Variants in ZCCHC17 observed in about 807,000 individuals in gnomAD.
The protein encoded by ZCCHC17 is zinc finger CCHC domain-containing protein 17.
In ZCCHC17, 18 loss-of-function variants were observed where a neutral mutation model predicts 30.6. The ratio of observed to expected loss-of-function variants is 0.59; its 90% CI spans 0.41 to 0.87. The LOEUF (loss-of-function observed/expected upper bound fraction) is 0.87. Among genes scored for constraint, ZCCHC17 ranks in the 40% least tolerant of loss-of-function variants. ZCCHC17 has a pLI of 0.00. For synonymous variants in ZCCHC17, 88 were observed against 92.4 expected (o/e 0.95, Z 0.27); for missense variants, 263 against 284.2 (o/e 0.93, Z 0.54).
At chr1:31,317,844 A>G (rs1052691331) in intron 2 of ZCCHC17, among the ~76,000 whole-genome samples, 1 of 152,188 alleles carries the variant, frequency 6.6e-6, no homozygotes, top group Non-Finnish European at 1.5e-5. Flanking sequence ...CTAGGAATAG[A>G]TAGGATATCA....
chr1:31,361,778 A>AG (rs892617024), intron 7 of ZCCHC17, among the ~76,000 whole-genome samples: 3 of 149,834 alleles, frequency 2.0e-5, no homozygotes, highest in Non-Finnish European at 4.4e-5. Context: ...TTTTGGGGAG[A>AG]GGGGGAGATT....
At chr1:31,324,855 G>T (rs1327488268) in intron 3 of ZCCHC17, among the ~76,000 whole-genome samples, 1 of 152,150 alleles carries the variant, frequency 6.6e-6, no homozygotes, top group East Asian at 1.9e-4. Flanking sequence ...GGGTGGAAAG[G>T]GGCAGGTCTC....
At chr1:31,320,723 T>C (rs2148429544) in intron 3 of ZCCHC17, among the ~76,000 whole-genome samples, 1 of 152,384 alleles carries the variant, frequency 6.6e-6, no homozygotes, top group Non-Finnish European at 1.5e-5. Flanking sequence ...ACTTCTTTAG[T>C]ATTATGAATA....
At chr1:31,323,364 C>G (rs944570342) in intron 3 of ZCCHC17, among the ~76,000 whole-genome samples, 1 of 151,928 alleles carries the variant, frequency 6.6e-6, no homozygotes. Flanking sequence ...CTCTGTTGCC[C>G]AGGCTGGAGT....
chr1:31,360,966 C>T (rs1639865699), intron 7 of ZCCHC17, among the ~76,000 whole-genome samples: 1 of 152,146 alleles, frequency 6.6e-6, no homozygotes, highest in Non-Finnish European at 1.5e-5. Context: ...CTTCTTTATC[C>T]AGGCTGGACC....
intron 3 of ZCCHC17, among the ~76,000 whole-genome samples, chr1:31,324,215 G>A (rs1165048001): frequency 6.6e-6 from 1 of 152,232 alleles, no homozygotes; most frequent in African/African-American, 2.4e-5. Flanking sequence ...GCATGCACCT[G>A]TAATTCCAGC....
At chr1:31,354,158 G>A (rs1036866775) in intron 7 of ZCCHC17, among the ~76,000 whole-genome samples, 9 of 151,880 alleles carry the variant, frequency 5.9e-5, no homozygotes, top group Non-Finnish European at 1.0e-4. Flanking sequence ...TCATCTCCTT[G>A]GTTAAGTTTC....
chr1:31,347,808 C>G (rs556397169), intron 6 of ZCCHC17, among the ~76,000 whole-genome samples: 1 of 152,094 alleles, frequency 6.6e-6, no homozygotes, highest in African/African-American at 2.4e-5. Context: ...GACGGGGTTT[C>G]CCTGTGTTGC....
chr1:31,301,345 C>T (rs1030414722), intron 1 of ZCCHC17, among the ~76,000 whole-genome samples: 6 of 152,134 alleles, frequency 3.9e-5, no homozygotes, highest in African/African-American at 1.4e-4. Flanking sequence ...GATTTGAATC[C>T]CATCCCCATC....
intron 2 of ZCCHC17, among the ~76,000 whole-genome samples, chr1:31,316,433 A>G (rs886435107): frequency 1.3e-5 from 2 of 152,156 alleles, no homozygotes; most frequent in African/African-American, 4.8e-5. Flanking sequence ...TTGGATGATT[A>G]TGTTCTTTAA....
chr1:31,332,620 C>A (rs1316881002), intron 3 of ZCCHC17, among the ~76,000 whole-genome samples: 1 of 151,870 alleles, frequency 6.6e-6, no homozygotes, highest in African/African-American at 2.4e-5. Context: ...TACTACCATA[C>A]AGAGATAGGC....
chr1:31,336,260 A>G (rs955253944), intron 3 of ZCCHC17, among the ~76,000 whole-genome samples: 1 of 152,034 alleles, frequency 6.6e-6, no homozygotes, highest in Non-Finnish European at 1.5e-5. Context: ...TTTGGTAGAG[A>G]TGGGGTTTTA....
intron 2 of ZCCHC17, chr1:31,318,135 C>T (rs1646780019): frequency 1.3e-6 from 2 of 1,498,256 alleles, no homozygotes; most frequent in Admixed American, 2.1e-5. Context: ...GCAGTGCAGT[C>T]AGGATTGTTT....
chr1:31,344,371 A>T (rs891000236), intron 5 of ZCCHC17, among the ~76,000 whole-genome samples: 3 of 152,356 alleles, frequency 2.0e-5, no homozygotes, highest in South Asian at 4.1e-4. Flanking sequence ...CTCCATTGCC[A>T]GACTATTAGT....
chr1:31,345,349 G>T (rs556235392), intron 5 of ZCCHC17, among the ~76,000 whole-genome samples: 2 of 150,550 alleles, frequency 1.3e-5, no homozygotes, highest in Non-Finnish European at 3.0e-5. Context: ...GTAGAGACAG[G>T]GTTTCACCTT....
chr1:31,339,769 G>A (rs1188075371), intron 5 of ZCCHC17, among the ~76,000 whole-genome samples: 1 of 152,030 alleles, frequency 6.6e-6, no homozygotes, highest in Non-Finnish European at 1.5e-5. Context: ...CACGTGGAAG[G>A]GTAGAGTAAT....
chr1:31,359,210 C>T (rs754471894), intron 7 of ZCCHC17, among the ~76,000 whole-genome samples: 4 of 152,208 alleles, frequency 2.6e-5, no homozygotes, highest in Non-Finnish European at 4.4e-5. Flanking sequence ...AAGAGATCCA[C>T]CTGCCTTTAG....
intron 3 of ZCCHC17, among the ~76,000 whole-genome samples, chr1:31,322,162 A>G (rs569024997): frequency 6.6e-6 from 1 of 152,332 alleles, no homozygotes; most frequent in East Asian, 1.9e-4. Flanking sequence ...ACACCAACCA[A>G]TTCTCCAGTT....
At chr1:31,349,898 T>C (rs993998039) in intron 7 of ZCCHC17, among the ~76,000 whole-genome samples, 1 of 152,214 alleles carries the variant, frequency 6.6e-6, no homozygotes, top group Admixed American at 6.5e-5. Flanking sequence ...ACATCTCTTA[T>C]TGTTTTCTTG....
Sources: gnomAD v4.1 joint callset for allele counts (sites outside exome capture counted in the v4.1 genomes callset) on GRCh38, gnomAD v4.1.1 for gene constraint, MANE v1.5 for transcripts, NCBI Gene and HGNC (gene_info 2026-07-23, HGNC 2026-07-21) for gene names.